ZFP62: variants seen among roughly 807,000 people sequenced by gnomAD.
The protein encoded by ZFP62 is ZFP62 zinc finger protein.
A neutral mutation model predicts 56.4 loss-of-function variants in ZFP62; 44 were observed. That is an observed-to-expected ratio of 0.78 (90% CI 0.61 to 1.00). The LOEUF (loss-of-function observed/expected upper bound fraction) is 1.00. Among genes scored for constraint, ZFP62 ranks in the 50% least tolerant of loss-of-function variants. The pLI, the probability that ZFP62 is intolerant of heterozygous loss-of-function variation, is 0.00. For synonymous variants in ZFP62, 421 were observed against 388.9 expected (o/e 1.08, Z -0.97); for missense variants, 1,030 against 1,085.7 (o/e 0.95, Z 0.72).
chr5:180,848,549 C>T lies in ZFP62; in HGVS notation c.*243G>A, dbSNP rs1430454834. 1 of 1,212,176 alleles carries T rather than the reference C, an allele frequency of 8.2e-7. No homozygotes were observed. The highest frequency in any genetic ancestry group is 1.0e-6 in the Non-Finnish European group (1 of 973,524). 75.1% of individuals were successfully genotyped at this position (1,212,176 alleles called of 1,614,324 possible). On this transcript the variant is annotated 3_prime_UTR_variant, in exon 2 of 2. Coordinates refer to ENST00000502412, the MANE Select transcript of ZFP62 (RefSeq NM_001172638.2). ...TTTGAAGATTTGCTTCACATTCCAT[C>T]ACTCAGATCTAAGTTTTTCTCTCAA...
downstream of ZFP62, among the ~76,000 whole-genome samples, chr5:180,844,063 C>A: frequency 6.6e-6 from 1 of 152,214 alleles, no homozygotes; most frequent in East Asian, 1.9e-4. Context: ...TTCTCAATCA[C>A]ATCAGAGGTT....
chr5:180,858,868 C>T (rs749862799), intron 1 of ZFP62, among the ~76,000 whole-genome samples: 5 of 152,208 alleles, frequency 3.3e-5, no homozygotes, highest in African/African-American at 7.2e-5. Context: ...GTTTTCAACA[C>T]GCAGCATGAG....
chr5:180,840,555 G>A, the ZFP62 span, among the ~76,000 whole-genome samples: 54 of 152,134 alleles, frequency 3.5e-4, no homozygotes, highest in Non-Finnish European at 6.2e-4. Flanking sequence ...TCAGGAGTTC[G>A]AGACAAGCCT....
Position 180,848,287 on chromosome 5 carries a change from G to T in ZFP62, c.*505C>A. 1.0e-6 allele frequency: 1 copy of T among 985,280 alleles called. No homozygotes were observed. The highest frequency in any genetic ancestry group is 1.2e-6 in the Non-Finnish European group (1 of 829,862). The allele number at this position is 985,280 out of a possible 1,614,324, so 61.0% of individuals were successfully genotyped here. ...CAATTACATCAAGTTTATACTTAAA[G>T]ACCACTAATATTAAATAAATTTATA... is the stretch of plus-strand genomic sequence containing the variant. On this transcript the variant is annotated 3_prime_UTR_variant, in exon 2 of 2. Transcript: ENST00000502412.
At chr5:180,834,180 T>G in the ZFP62 span, 5 of 152,344 alleles carry the variant, frequency 3.3e-5, no homozygotes, top group East Asian at 9.6e-4. Context: ...GCTGCTATAA[T>G]AGAATACCCG....
chr5:180,850,176 C>T lies in ZFP62; in HGVS notation c.1319G>A (p.Arg440Lys). 1 of 1,551,840 alleles carries T rather than the reference C, an allele frequency of 6.4e-7. No individual in the cohort carries two copies. Among genetic ancestry groups the T allele is most frequent in the Non-Finnish European group, 8.7e-7 (1 of 1,147,058 alleles). ...FSYNSLLLQH[R>K]TIHTGERPYV... is the part of the protein sequence containing the mutation. ...AGGTCTCTCTCCGGTATGAATAGTT[C>T]TGTGTTGAAGAAGTAGTGAGTTATA... Residue 440 changes from arginine (R) to lysine (K), a missense_variant, in exon 2 of 2, where the codon AGA (arginine) becomes AAA (lysine). Arg to Lys is a conservative substitution (Grantham distance 26). Coordinates refer to ENST00000502412, the MANE Select transcript of ZFP62 (RefSeq NM_001172638.2).
chr5:180,833,359 G>T, the ZFP62 span, among the ~76,000 whole-genome samples: 18 of 151,682 alleles, frequency 1.2e-4, no homozygotes, highest in Non-Finnish European at 2.6e-4. Context: ...GGTGCCTGTA[G>T]TCCCAGCTAC....
In ZFP62 at chr5:180,851,237, T is replaced by A. The variant is rs1429723910; in HGVS notation, c.258A>T (p.Glu86Asp). 1 of 1,551,678 alleles carries A rather than the reference T, an allele frequency of 6.4e-7. No individual in the cohort carries two copies. The change falls in exon 2 of 2, where the codon GAA (glutamate) becomes GAT (aspartate). Residue 86 changes from glutamate to aspartate, a missense_variant. Glu to Asp is a conservative substitution (Grantham distance 45). Transcript: ENST00000502412. Reference protein sequence around the residue: ...KSTANIKTEQEGEASEKSLHL... With the variant: ...KSTANIKTEQDGEASEKSLHL... ...GCAAGCTCTTCTCAGATGCCTCACC[T>A]TCCTGTTCTGTCTTTATATTTGCTG...
chr5:180,845,984 T>G (rs571475964), downstream of ZFP62: 9 of 488,846 alleles, frequency 1.8e-5, no homozygotes, highest in East Asian at 3.0e-4. Flanking sequence ...TTCAGGCTTT[T>G]CTTTTCTCTT....
downstream of ZFP62, among the ~76,000 whole-genome samples, chr5:180,844,190 A>C (rs572720906): frequency 7.9e-5 from 12 of 152,384 alleles, no homozygotes; most frequent in South Asian, 1.0e-3. Flanking sequence ...AAGATAGTCA[A>C]TTTAACAACG....
chr5:180,842,482 T>G, the ZFP62 span, among the ~76,000 whole-genome samples: 1 of 151,822 alleles, frequency 6.6e-6, no homozygotes, highest in Non-Finnish European at 1.5e-5. Flanking sequence ...GAAGCTATTT[T>G]AAAAAGAATA....
At chr5:180,845,561 A>G, downstream of ZFP62, 1 of 292,500 alleles carries the variant, frequency 3.4e-6, no homozygotes, top group Non-Finnish European at 5.1e-6. Context: ...GGTCTAAATG[A>G]GAATGGCTCC....
chr5:180,830,411 G>A, the ZFP62 span: 1 of 152,628 alleles, frequency 6.6e-6, no homozygotes, highest in Admixed American at 6.5e-5. Flanking sequence ...AACCTTCTTA[G>A]ATCAAGGGAA....
the ZFP62 span, among the ~76,000 whole-genome samples, chr5:180,833,789 G>C: frequency 6.6e-6 from 1 of 151,566 alleles, no homozygotes; most frequent in African/African-American, 2.4e-5. Flanking sequence ...TCCTGCCTCA[G>C]CCTCCTGAGT....
At chr5:180,841,041 C>A in the ZFP62 span, among the ~76,000 whole-genome samples, 7 of 151,818 alleles carry the variant, frequency 4.6e-5, no homozygotes, top group Admixed American at 1.3e-4. Flanking sequence ...AGGACAGGGT[C>A]TAAGAAATAA....
chr5:180,839,982 T>C, the ZFP62 span, among the ~76,000 whole-genome samples: 2 of 152,336 alleles, frequency 1.3e-5, no homozygotes, highest in South Asian at 2.1e-4. Context: ...GGTATATGCT[T>C]GTGGTCCCTT....
chr5:180,840,296 T>C, the ZFP62 span, among the ~76,000 whole-genome samples: 4 of 152,170 alleles, frequency 2.6e-5, no homozygotes, highest in African/African-American at 9.7e-5. Flanking sequence ...GCAGTCAGCT[T>C]CAGAGGGAGT....
At chr5:180,839,677 G>A in the ZFP62 span, among the ~76,000 whole-genome samples, 1 of 152,096 alleles carries the variant, frequency 6.6e-6, no homozygotes, top group Non-Finnish European at 1.5e-5. Flanking sequence ...CTTATTACCT[G>A]GGTGATGAAA....
rs912032993 is a variant in ZFP62 at position 180,848,240 on chromosome 5, T to C, written c.*552A>G. On this transcript the variant is annotated 3_prime_UTR_variant, in exon 2 of 2. Coordinates refer to ENST00000502412, the MANE Select transcript of ZFP62 (RefSeq NM_001172638.2). ...AATCCAAATTTTGTTTCAGAAGTCA[T>C]CATCACTGCCCCCTCCCAAACCAAT... 1.0e-6 allele frequency: 1 copy of C among 985,378 alleles called. No homozygotes were observed. Among genetic ancestry groups the C allele is most frequent in the Non-Finnish European group, 1.2e-6 (1 of 829,972 alleles). 61.0% of individuals were successfully genotyped at this position (985,378 alleles called of 1,614,324 possible).
Sources: gnomAD v4.1 joint callset for allele counts (sites outside exome capture counted in the v4.1 genomes callset) on GRCh38, gnomAD v4.1.1 for gene constraint, MANE v1.5 for transcripts, NCBI Gene and HGNC (gene_info 2026-07-23, HGNC 2026-07-21) for gene names.